Variants in TREM1 observed in about 807,000 individuals in gnomAD.
TREM1 encodes triggering receptor expressed on myeloid cells 1.
A neutral mutation model predicts 22.4 loss-of-function variants in TREM1; 16 were observed. That is an observed-to-expected ratio of 0.71 (90% CI 0.48 to 1.08). TREM1 has a LOEUF of 1.08. TREM1 is among the 50% of genes least tolerant of loss of function. The pLI is 0.00. For synonymous variants in TREM1, 110 were observed against 111.6 expected (o/e 0.99, Z 0.09); for missense variants, 283 against 282.9 (o/e 1.00, Z 0.00).
chr6:41,279,597 A>G (rs2113983626), intron 3 of TREM1: 1 of 985,380 alleles, frequency 1.0e-6, no homozygotes, highest in Non-Finnish European at 1.2e-6. Flanking sequence ...CCCAAACAAC[A>G]TAATGGGGAA....
intron 3 of TREM1, among the ~76,000 whole-genome samples, chr6:41,279,027 C>A (rs1005520701): frequency 6.6e-5 from 10 of 152,144 alleles, no homozygotes; most frequent in African/African-American, 2.2e-4. Context: ...ACCCCATCTC[C>A]CCATGCCCCA....
At chr6:41,279,586 C>G in intron 3 of TREM1, 9 of 985,394 alleles carry the variant, frequency 9.1e-6, no homozygotes, top group Non-Finnish European at 1.1e-5. Flanking sequence ...GCACTTTGTT[C>G]CCCAAACAAC....
At position 41,276,065 on chromosome 6, in the gene TREM1, G is replaced by T; in HGVS notation, c.*60C>A. ...CCTTTTACCTCCTCCCTCCTCCCTT[G>T]GCACAACTGCCAGATGGATGTGGCT... On this transcript the variant is annotated 3_prime_UTR_variant, in exon 4 of 4. Transcript: ENST00000244709. 1 of 1,324,636 alleles carries T rather than the reference G, an allele frequency of 7.5e-7. No homozygotes were observed. Among genetic ancestry groups the T allele is most frequent in the Non-Finnish European group, 1.1e-6 (1 of 916,758 alleles). The allele number at this position is 1,324,636 out of a possible 1,614,324, so 82.1% of individuals were successfully genotyped here.
rs1732616644 is a variant in TREM1, at chr6:41,274,242, T to C, written c.*1883A>G. On this transcript the variant is annotated 3_prime_UTR_variant, in exon 4 of 4. Transcript: ENST00000244709. ...TTTTGGAAACAAGCTTGAGATCCAC[T>C]AAGAGGGAGCTGTATACTAGTATAC... is the stretch of plus-strand genomic sequence containing the variant. Among the ~76,000 whole-genome samples the C allele has an allele frequency of 6.6e-6, 1 of 152,106 alleles. No individual in the cohort carries two copies. The highest frequency in any genetic ancestry group is 1.5e-5 in the Non-Finnish European group (1 of 68,014).
chr6:41,280,681 C>T, intron 3 of TREM1: 1 of 1,416,730 alleles, frequency 7.1e-7, no homozygotes, highest in Non-Finnish European at 9.2e-7. Context: ...ATGAGCTCCA[C>T]TGGAACTTGG....
chr6:41,269,621 T>C (rs1182680899), downstream of TREM1, among the ~76,000 whole-genome samples: 25 of 152,150 alleles, frequency 1.6e-4, no homozygotes, highest in Admixed American at 1.6e-3. Flanking sequence ...AGATAATTTT[T>C]TATATTACCT....
At chr6:41,286,272 T>A (rs1391388963) in intron 1 of TREM1, among the ~76,000 whole-genome samples, 1 of 152,248 alleles carries the variant, frequency 6.6e-6, no homozygotes. Context: ...AAACACATCA[T>A]GATGGAATAT....
At position 41,274,331 on chromosome 6, in the gene TREM1, C is replaced by T. The variant is rs1401612137; in HGVS notation, c.*1794G>A. On this transcript the variant is annotated 3_prime_UTR_variant, in exon 4 of 4. Transcript: ENST00000244709. ...CTTTATGCTCCAGGAGAATCTGATG[C>T]GGTGGCCTAAAGACCTCTGAAAAAC... 1.3e-5 allele frequency among the ~76,000 whole-genome samples: 2 copies of T among 152,100 alleles called. No homozygotes were observed. Among genetic ancestry groups the T allele is most frequent in the Non-Finnish European group, 2.9e-5 (2 of 68,004 alleles).
downstream of TREM1, among the ~76,000 whole-genome samples, chr6:41,270,645 C>T (rs765093804): frequency 1.2e-4 from 19 of 152,080 alleles, no homozygotes; most frequent in African/African-American, 2.4e-4. Flanking sequence ...AGATTTACCA[C>T]CCATTTTCTA....
At chr6:41,271,434 C>T (rs941442342), downstream of TREM1, among the ~76,000 whole-genome samples, 1 of 152,174 alleles carries the variant, frequency 6.6e-6, no homozygotes, top group Non-Finnish European at 1.5e-5. Context: ...GATTCCAGAA[C>T]TCTTGTCTTC....
chr6:41,283,719 A>ACACACACACAC (rs1554147926), intron 1 of TREM1, among the ~76,000 whole-genome samples: 68 of 147,036 alleles, frequency 4.6e-4, no homozygotes, highest in Middle Eastern at 7.1e-3. Flanking sequence ...TAAAAAAAAA[A>ACACACACACAC]ACACACACAC....
intron 3 of TREM1, among the ~76,000 whole-genome samples, chr6:41,278,818 G>A (rs180950339): frequency 6.6e-6 from 1 of 152,290 alleles, no homozygotes; most frequent in East Asian, 1.9e-4. Context: ...AGCAAGGCAG[G>A]AGAATAGGGT....
chr6:41,284,778 G>A lies in TREM1; in HGVS notation c.49+1829C>T, dbSNP rs1416025637. Among the ~76,000 whole-genome samples the A allele has an allele frequency of 2.6e-5, 4 of 152,202 alleles. No individual in the cohort carries two copies. The East Asian group carries it at 7.7e-4, about 29-fold the overall frequency. ...CAACAGATCTGCCTGACCTTAGGAA[G>A]ACTCAACTCAGGGACTCACAAGGAG... On this transcript the variant is annotated intron_variant, in intron 1 of 3. Coordinates refer to ENST00000244709, the MANE Select transcript of TREM1 (RefSeq NM_018643.5).
exon 4 of TREM1, chr6:41,268,068 C>A: frequency 2.5e-6 from 1 of 398,614 alleles, no homozygotes; most frequent in Non-Finnish European, 4.4e-6. Flanking sequence ...CCTTCTGATG[C>A]CAAATGTCAT....
chr6:41,276,864 C>T (rs1054394876), intron 3 of TREM1, among the ~76,000 whole-genome samples: 3 of 152,012 alleles, frequency 2.0e-5, no homozygotes, highest in African/African-American at 7.2e-5. Context: ...TATGCAGGAA[C>T]ATAATGTCTA....
chr6:41,281,011 G>A lies in TREM1; in HGVS notation c.549C>T (p.Val183=), dbSNP rs1315879045. The A allele has an allele frequency of 5.0e-6, 8 of 1,614,140 alleles. No individual in the cohort carries two copies. The African/African-American group carries it at 9.3e-5, about 19-fold the overall frequency. ...TQAPPKSTAD[V]STPDSEINLT... is the part of the protein sequence containing the mutation. ...GGTTGATTTCAGAGTCAGGAGTGGAGACATCGGCAGTTGACTTGGGTGGAG... is the reference window on the plus strand; with the variant it reads ...GGTTGATTTCAGAGTCAGGAGTGGAAACATCGGCAGTTGACTTGGGTGGAG... Residue 183 remains valine (V), a synonymous_variant, in exon 3 of 4, where the codon GTC becomes GTT. Coordinates refer to ENST00000244709, the MANE Select transcript of TREM1 (RefSeq NM_018643.5).
At position 41,280,948 on chromosome 6, in the gene TREM1, C is replaced by G; in HGVS notation, c.599+13G>C. 1 of 1,614,196 alleles carries G rather than the reference C, an allele frequency of 6.2e-7. No individual in the cohort carries two copies. Among genetic ancestry groups the G allele is most frequent in the Non-Finnish European group, 8.5e-7 (1 of 1,180,034 alleles). On this transcript the variant is annotated intron_variant, in intron 3 of 3. Coordinates refer to ENST00000244709, the MANE Select transcript of TREM1 (RefSeq NM_018643.5). ...GTGTCCAAACCAGGGGCCCAGGGAC[C>G]TGGAAACTATACCTGATGATATCTG... is the stretch of plus-strand genomic sequence containing the variant.
At chr6:41,280,815 G>C in intron 3 of TREM1, 146 bp downstream of exon 3, 1 of 1,495,238 alleles carries the variant, frequency 6.7e-7, no homozygotes, top group Non-Finnish European at 8.9e-7. Context: ...TTCTTCCCCT[G>C]GACATTTCTA....
downstream of TREM1, among the ~76,000 whole-genome samples, chr6:41,272,351 A>C (rs956970340): frequency 1.3e-5 from 2 of 152,074 alleles, no homozygotes; most frequent in Non-Finnish European, 2.9e-5. Context: ...ACTGACCCCT[A>C]CAACCCGCAA....
Sources: gnomAD v4.1 joint callset for allele counts (sites outside exome capture counted in the v4.1 genomes callset) on GRCh38, gnomAD v4.1.1 for gene constraint, MANE v1.5 for transcripts, NCBI Gene and HGNC (gene_info 2026-07-23, HGNC 2026-07-21) for gene names.